The following DDX55 variants were observed in gnomAD, a reference collection of about 807,000 sequenced individuals.
The protein encoded by DDX55 is ATP-dependent RNA helicase DDX55.
A neutral mutation model predicts 69.2 loss-of-function variants in DDX55; 56 were observed. That is an observed-to-expected ratio of 0.81 (90% CI 0.65 to 1.01). DDX55 has a LOEUF of 1.01. Ranked by LOEUF, DDX55 falls within the 50% of genes least tolerant of loss-of-function variation. The probability of loss-of-function intolerance (pLI) is 0.00; values close to 1 mark genes in which losing one functional copy is unlikely to be tolerated. For synonymous variants in DDX55, 268 were observed against 273.1 expected (o/e 0.98, Z 0.18); for missense variants, 720 against 745.1 (o/e 0.97, Z 0.39).
rs748119604 is a variant in DDX55 at position 123,619,610 on chromosome 12, A to G, written c.1512A>G (p.Arg504=). The change falls in exon 13 of 14, where the codon AGA becomes AGG. Residue 504 remains arginine (R), a synonymous_variant. Transcript: ENST00000238146. ...QRQKLLEQQR[R]EKTENEGRRK... ...AGAAACTCCTGGAGCAACAAAGAAG[A>G]GAGAAAACAGAAAATGAAGGGAGAA... The G allele has an allele frequency of 1.6e-4, 260 of 1,613,790 alleles. 1 individual carries two copies. Among genetic ancestry groups the G allele is most frequent in the Non-Finnish European group, 2.1e-4 (251 of 1,180,008 alleles).
intron 2 of DDX55, 42 bp downstream of exon 2, chr12:123,606,023 C>T (rs1256481232): frequency 1.9e-6 from 3 of 1,610,662 alleles, no homozygotes; most frequent in Non-Finnish European, 2.5e-6. Flanking sequence ...CGTGTTCTCC[C>T]TCAGATGAAC....
intron 11 of DDX55, 48 bp downstream of exon 11, chr12:123,617,920 TG>T: frequency 6.4e-7 from 1 of 1,554,358 alleles, no homozygotes; most frequent in South Asian, 1.1e-5. Flanking sequence ...ACGGGGTAGC[TG>T]GAAAAGTTCT....
At chr12:123,608,918 G>C in intron 6 of DDX55, 89 bp downstream of exon 6, 1 of 1,165,350 alleles carries the variant, frequency 8.6e-7, no homozygotes, top group Non-Finnish European at 1.1e-6. Context: ...TTCATGACTA[G>C]GTATTTTTAT....
Position 123,609,960 on chromosome 12 carries a change from T to G in DDX55, c.573T>G (p.Phe191Leu). Residue 191 changes from phenylalanine (F) to leucine (L), a missense_variant, in exon 7 of 14, where the codon TTT (phenylalanine) becomes TTG (leucine). Physicochemically the swap from Phe to Leu is conservative, Grantham distance 22 (BLOSUM62 0). Coordinates refer to ENST00000238146, the MANE Select transcript of DDX55 (RefSeq NM_020936.3). The stretch of plus-strand genomic sequence containing the variant: ...TCAGCATCAACACCATTCTGGAGTT[T>G]TTGCCAAAGCAGAGGAGAACAGGCC... ...FEASINTILE[F>L]LPKQRRTGLF... 1 of 1,613,772 alleles carries G rather than the reference T, an allele frequency of 6.2e-7. No homozygotes were observed. The highest frequency in any genetic ancestry group is 8.5e-7 in the Non-Finnish European group (1 of 1,179,934).
chr12:123,603,197 G>A (rs115521413), intron 1 of DDX55, among the ~76,000 whole-genome samples: 199 of 152,214 alleles, frequency 1.3e-3, no homozygotes, highest in African/African-American at 4.5e-3. Context: ...TCTGTAGAGA[G>A]TGGCCTTTCC....
At position 123,604,620 on chromosome 12, in the gene DDX55, C is replaced by T. The variant is rs114814015; in HGVS notation, c.109-1311C>T. 5.6e-3 allele frequency among the ~76,000 whole-genome samples: 855 copies of T among 152,010 alleles called. 7 individuals carry two copies. Among genetic ancestry groups the T allele is most frequent in the African/African-American group, 0.02 (818 of 41,460 alleles). On this transcript the variant is annotated intron_variant, in intron 1 of 13. Transcript: ENST00000238146. ...ATCAAGTGCTTGAAATACACTTTGT[C>T]CAAATCAAAGTGTACTCTGAGTATC...
rs374092395 is a variant in DDX55, at chr12:123,615,348, C to T, written c.956+32C>T. 3.2e-4 allele frequency: 514 copies of T among 1,610,222 alleles called. 1 individual carries two copies. Among genetic ancestry groups the T allele is most frequent in the Non-Finnish European group, 4.2e-4 (493 of 1,178,000 alleles). ...GGGCTTCATTGAAGGTAGCAGCTCT[C>T]CTGCCACACTGCTCTTTCAGGTCCC... On this transcript the variant is annotated intron_variant, in intron 9 of 13. Transcript: ENST00000238146.
chr12:123,607,557 G>A (rs1212750643), intron 4 of DDX55, 34 bp downstream of exon 4: 5 of 1,614,174 alleles, frequency 3.1e-6, no homozygotes, highest in Non-Finnish European at 4.2e-6. Context: ...TTAGTCATGG[G>A]CTGTTTTGTC....
At chr12:123,603,790 T>TTTTG (rs777261972) in intron 1 of DDX55, among the ~76,000 whole-genome samples, 1 of 151,922 alleles carries the variant, frequency 6.6e-6, no homozygotes, top group Non-Finnish European at 1.5e-5. Context: ...TTTTTTTGTT[T>TTTTG]TTTGTTTGTT....
Position 123,617,885 on chromosome 12 carries a change from CCG to C in DDX55, c.1164+14_1164+15del. ...AATTAACCAAAAAGTAAGCTGCCGT[CCG>C]TTTTCAGATAGAATGCCTAGTGACG... On this transcript the variant is annotated intron_variant, in intron 11 of 13. Coordinates refer to ENST00000238146, the MANE Select transcript of DDX55 (RefSeq NM_020936.3). 6.3e-7 allele frequency: 1 copy of C among 1,576,026 alleles called. No individual in the cohort carries two copies. The highest frequency in any genetic ancestry group is 1.1e-5 in the South Asian group (1 of 89,950).
intron 12 of DDX55, 76 bp downstream of exon 12, chr12:123,618,913 T>TCTCA: frequency 6.4e-7 from 1 of 1,559,928 alleles, no homozygotes; most frequent in Non-Finnish European, 8.7e-7. Context: ...GATTGCTTTG[T>TCTCA]CTCATAAAAG....
rs1016579627 is a variant in DDX55 at position 123,615,107 on chromosome 12, A to G, written c.825-78A>G. Reference sequence around the variant, plus strand: ...TAGTTAGGTTGCGTCTGCTGCAGCTATTGCTCACTGTTCCCCTCTCCCGGT... The same window carrying G: ...TAGTTAGGTTGCGTCTGCTGCAGCTGTTGCTCACTGTTCCCCTCTCCCGGT... On this transcript the variant is annotated intron_variant, in intron 8 of 13. Transcript: ENST00000238146. 3.1e-6 allele frequency: 5 copies of G among 1,589,112 alleles called. No individual in the cohort carries two copies. The East Asian group carries it at 6.8e-5, about 22-fold the overall frequency.
At chr12:123,604,335 G>T (rs1333441040) in intron 1 of DDX55, among the ~76,000 whole-genome samples, 2 of 152,192 alleles carry the variant, frequency 1.3e-5, no homozygotes, top group African/African-American at 4.8e-5. Context: ...TTGAGATCAG[G>T]AGTTCAAGAC....
chr12:123,615,049 C>T (rs1416757034), intron 8 of DDX55, 136 bp from the exon 9 acceptor site: 2 of 1,179,580 alleles, frequency 1.7e-6, no homozygotes, highest in East Asian at 2.4e-5. Context: ...TTTCCACTGC[C>T]ATTTTCCTTG....
At chr12:123,607,781 A>T in intron 5 of DDX55, 119 bp downstream of exon 5, 1 of 1,440,756 alleles carries the variant, frequency 6.9e-7, no homozygotes, top group Non-Finnish European at 9.7e-7. Flanking sequence ...CCCCTGCAAA[A>T]AGGTGTTTTC....
intron 11 of DDX55, chr12:123,618,361 A>G (rs1224637664): frequency 1.5e-6 from 1 of 673,930 alleles, no homozygotes; most frequent in South Asian, 1.4e-5. Context: ...TGGAGTGACC[A>G]AGTCTCCTGT....
Position 123,620,602 on chromosome 12 carries a change from ATATATATATATATATATATATATAT to A in DDX55, c.*463_*487del, listed in dbSNP as rs1566211061. ...ATATTATATATATATATATATATAT[ATATATATATATATATATATATATAT>A]AAGCTCTTTTTTCTGAGGCTATTTT... On this transcript the variant is annotated 3_prime_UTR_variant, in exon 14 of 14. Coordinates refer to ENST00000238146, the MANE Select transcript of DDX55 (RefSeq NM_020936.3). 25 of 74,070 alleles carry A rather than the reference ATATATATATATATATATATATATAT, an allele frequency of 3.4e-4. No individual in the cohort carries two copies. Among genetic ancestry groups the A allele is most frequent in the African/African-American group, 9.6e-4 (23 of 23,976 alleles). 4.6% of individuals were successfully genotyped at this position (74,070 alleles called of 1,614,324 possible). A position where few individuals can be genotyped will look rare whatever the true frequency, so the allele number is the denominator to read the frequency against.
chr12:123,602,929 CAG>C (rs1279931670), intron 1 of DDX55, among the ~76,000 whole-genome samples: 1 of 152,148 alleles, frequency 6.6e-6, no homozygotes, highest in African/African-American at 2.4e-5. Context: ...GCTGAGACCT[CAG>C]TGATTGAGAA....
At chr12:123,605,811 A>T in intron 1 of DDX55, 120 bp from the exon 2 acceptor site, 3 of 1,318,912 alleles carry the variant, frequency 2.3e-6, no homozygotes, top group Non-Finnish European at 3.3e-6. Flanking sequence ...GGTTACTCAG[A>T]GCCCCTTTTG....
Sources: gnomAD v4.1 joint callset for allele counts (sites outside exome capture counted in the v4.1 genomes callset) on GRCh38, gnomAD v4.1.1 for gene constraint, MANE v1.5 for transcripts, NCBI Gene and HGNC (gene_info 2026-07-23, HGNC 2026-07-21) for gene names.